The following PCDH15 variants were observed in gnomAD, a reference collection of about 807,000 sequenced individuals.
The protein encoded by PCDH15 is protocadherin-15.
In PCDH15, 129 loss-of-function variants were observed where a neutral mutation model predicts 178.5. That is an observed-to-expected ratio of 0.72 (90% CI 0.63 to 0.84). The LOEUF is 0.84. Ranked by LOEUF, PCDH15 falls within the 40% of genes least tolerant of loss-of-function variation. PCDH15 has a pLI of 0.00. For synonymous variants in PCDH15, 800 were observed against 732.0 expected (o/e 1.09, Z -1.50); for missense variants, 2,230 against 2,099.9 (o/e 1.06, Z -1.21).
At chr10:54,139,602 C>T (rs949621815) in intron 14 of PCDH15, among the ~76,000 whole-genome samples, 4 of 152,102 alleles carry the variant, frequency 2.6e-5, no homozygotes, top group Admixed American at 1.3e-4. Context: ...GAATTTCTTG[C>T]TTCTCAGATG....
At chr10:55,088,643 G>T (rs1842239343) in intron 2 of PCDH15, among the ~76,000 whole-genome samples, 1 of 152,030 alleles carries the variant, frequency 6.6e-6, no homozygotes, top group African/African-American at 2.4e-5. Context: ...TGCCACAAAA[G>T]AGCAATGTAC....
At chr10:55,542,388 T>C (rs912506108) in intron 2 of PCDH15, among the ~76,000 whole-genome samples, 1 of 150,958 alleles carries the variant, frequency 6.6e-6, no homozygotes, top group Non-Finnish European at 1.5e-5. Flanking sequence ...ATATATAGTG[T>C]GTACATGGAT....
At chr10:54,422,111 G>A (rs1393047702) in intron 3 of PCDH15, among the ~76,000 whole-genome samples, 1 of 151,412 alleles carries the variant, frequency 6.6e-6, no homozygotes, top group Admixed American at 6.6e-5. Context: ...ATGAATTATT[G>A]GATAGATTGA....
chr10:55,389,840 A>AT (rs1307645287), intron 2 of PCDH15, among the ~76,000 whole-genome samples: 20 of 152,198 alleles, frequency 1.3e-4, no homozygotes, highest in African/African-American at 4.8e-4. Flanking sequence ...TCGGTGAAAC[A>AT]TTTTAAAAAT....
chr10:53,871,480 G>A (rs185098361), intron 26 of PCDH15, among the ~76,000 whole-genome samples: 36 of 150,240 alleles, frequency 2.4e-4, no homozygotes, highest in Non-Finnish European at 3.7e-4. Flanking sequence ...GTGTGTGTGT[G>A]TATATACACA....
intron 2 of PCDH15, among the ~76,000 whole-genome samples, chr10:55,095,871 C>T (rs1357424648): frequency 6.6e-6 from 1 of 151,998 alleles, no homozygotes; most frequent in Non-Finnish European, 1.5e-5. Context: ...TATTTTTATA[C>T]TCGCAAAAGT....
intron 25 of PCDH15, among the ~76,000 whole-genome samples, chr10:53,934,934 TAAAA>T (rs145630861): frequency 8.3e-6 from 1 of 119,864 alleles, no homozygotes. Flanking sequence ...GCCACATTAA[TAAAA>T]AAAAAAAAGT....
At chr10:55,138,590 C>T (rs762522297) in intron 2 of PCDH15, among the ~76,000 whole-genome samples, 2 of 152,076 alleles carry the variant, frequency 1.3e-5, no homozygotes, top group Non-Finnish European at 2.9e-5. Context: ...TTAAAACTGT[C>T]TGTTCTAGGT....
chr10:54,291,187 T>C (rs960852157), intron 8 of PCDH15, among the ~76,000 whole-genome samples: 2 of 152,104 alleles, frequency 1.3e-5, no homozygotes, highest in Admixed American at 1.3e-4. Context: ...AATGCACAAC[T>C]ACAAGGAAAC....
intron 1 of PCDH15, among the ~76,000 whole-genome samples, chr10:55,213,680 T>G (rs1840628679): frequency 6.6e-6 from 1 of 151,792 alleles, no homozygotes; most frequent in Non-Finnish European, 1.5e-5. Flanking sequence ...TATGTTTTCT[T>G]GTTTTCGCCC....
At chr10:54,970,052 A>C (rs542933983) in intron 2 of PCDH15, among the ~76,000 whole-genome samples, 26 of 152,092 alleles carry the variant, frequency 1.7e-4, no homozygotes, top group Non-Finnish European at 3.2e-4. Context: ...TCCTTAGGAG[A>C]TGATTAGGCC....
chr10:55,541,815 T>A (rs1024070923), intron 2 of PCDH15, among the ~76,000 whole-genome samples: 6 of 151,894 alleles, frequency 4.0e-5, no homozygotes, highest in Non-Finnish European at 8.8e-5. Context: ...TTTGATGTGG[T>A]CAAAGTTAGC....
intron 14 of PCDH15, among the ~76,000 whole-genome samples, chr10:54,142,092 G>A (rs1415422837): frequency 6.6e-6 from 1 of 152,040 alleles, no homozygotes; most frequent in Non-Finnish European, 1.5e-5. Context: ...GATGCTTTTG[G>A]TCACAGTTCT....
chr10:54,443,326 T>A (rs567864283), intron 3 of PCDH15, among the ~76,000 whole-genome samples: 1 of 151,546 alleles, frequency 6.6e-6, no homozygotes, highest in Non-Finnish European at 1.5e-5. Context: ...AACTCTAAGA[T>A]GAGTTCATAC....
chr10:54,094,929 A>G (rs541852525), intron 15 of PCDH15, among the ~76,000 whole-genome samples: 3 of 152,292 alleles, frequency 2.0e-5, no homozygotes, highest in African/African-American at 7.2e-5. Flanking sequence ...GTGTTCTTAG[A>G]CACTGGCAAA....
At chr10:55,199,017 C>T (rs1414043020) in intron 1 of PCDH15, among the ~76,000 whole-genome samples, 2 of 152,012 alleles carry the variant, frequency 1.3e-5, no homozygotes, top group Admixed American at 6.6e-5. Context: ...GGAATGATCA[C>T]AGAAAATTGG....
intron 2 of PCDH15, among the ~76,000 whole-genome samples, chr10:55,455,837 G>A (rs1315432430): frequency 6.6e-6 from 1 of 152,038 alleles, no homozygotes; most frequent in Non-Finnish European, 1.5e-5. Context: ...CATCAGTAGA[G>A]GACTTGTTTT....
chr10:54,115,786 A>T (rs982867703), intron 15 of PCDH15, among the ~76,000 whole-genome samples: 7 of 152,198 alleles, frequency 4.6e-5, no homozygotes, highest in Admixed American at 4.6e-4. Flanking sequence ...TTAATTTCAA[A>T]GTCTGCTTCC....
At chr10:55,237,361 T>C (rs1467619423) in intron 1 of PCDH15, among the ~76,000 whole-genome samples, 1 of 152,164 alleles carries the variant, frequency 6.6e-6, no homozygotes, top group Non-Finnish European at 1.5e-5. Context: ...TACTCACTCT[T>C]CATGTGTATT....
Sources: allele counts gnomAD v4.1 joint callset (sites outside exome capture counted in the v4.1 genomes callset), GRCh38; gene constraint gnomAD v4.1.1; transcripts MANE v1.5; gene names NCBI Gene and HGNC (gene_info 2026-07-23, HGNC 2026-07-21).